BIRC2: variants seen among roughly 807,000 people sequenced by gnomAD.
The protein encoded by BIRC2 is baculoviral IAP repeat containing 2.
Under a neutral mutation model 60.9 loss-of-function variants are expected in BIRC2, and 18 were observed. The ratio of observed to expected loss-of-function variants is 0.30; its 90% confidence interval spans 0.20 to 0.44. The LOEUF is 0.44. BIRC2 is among the 20% of genes least tolerant of loss of function. The probability of loss-of-function intolerance (pLI) is 1.00; values close to 1 mark genes in which losing one functional copy is unlikely to be tolerated. For missense variants in BIRC2, 701 were observed against 728.5 expected, an observed-to-expected ratio of 0.96 and a Z score of 0.43; for synonymous variants, 282 against 247.7, an observed-to-expected ratio of 1.14 and a Z score of -1.30.
At position 102,370,059 on chromosome 11, in the gene BIRC2, T is replaced by A. The variant is rs1173666706; in HGVS notation, c.1366+1511T>A. 1.4e-3 allele frequency among the ~76,000 whole-genome samples: 206 copies of A among 152,118 alleles called. 1 individual carries two copies. The highest frequency in any genetic ancestry group is 4.7e-3 in the African/African-American group (193 of 41,460). ...TGTTTGAGTTCATTGTAGATTCTGG[T>A]TATTAGCCCTTTGTCAGATGAGTAG... is the stretch of plus-strand genomic sequence containing the variant. On this transcript the variant is annotated intron_variant, in intron 6 of 8. Transcript: ENST00000227758.
chr11:102,367,808 TTTTG>T (rs1951571104), intron 5 of BIRC2, among the ~76,000 whole-genome samples: 1 of 152,208 alleles, frequency 6.6e-6, no homozygotes, highest in African/African-American at 2.4e-5. Flanking sequence ...TACTTCCCAT[TTTTG>T]TTTATGTTAT....
chr11:102,378,075 T>C lies in BIRC2; in HGVS notation c.1749T>C (p.Phe583=). The C allele has an allele frequency of 6.2e-7, 1 of 1,613,850 alleles. No homozygotes were observed. The highest frequency in any genetic ancestry group is 2.2e-5 in the East Asian group (1 of 44,866). The part of the protein sequence containing the change: ...VCMDKEVSVV[F]IPCGHLVVCQ... ...TGGACAAAGAAGTTTCTGTTGTATT[T>C]ATTCCTTGTGGTCATCTGGTAGTAT... Residue 583 remains phenylalanine, a synonymous_variant, in exon 9 of 9, where the codon TTT becomes TTC. Coordinates refer to ENST00000227758, the MANE Select transcript of BIRC2 (RefSeq NM_001166.5).
intron 6 of BIRC2, among the ~76,000 whole-genome samples, chr11:102,374,494 A>C (rs1445499414): frequency 8.6e-5 from 13 of 150,432 alleles, no homozygotes; most frequent in Non-Finnish European, 1.6e-4. Flanking sequence ...GTCAGGGGTC[A>C]GGGACCCACT....
At position 102,350,544 on chromosome 11, in the gene BIRC2, G is replaced by T; in HGVS notation, c.690G>T (p.Trp230Cys). The change falls in exon 2 of 9, where the codon TGG becomes TGT. Residue 230 changes from tryptophan to cysteine, a missense_variant. By Grantham distance (215) the Trp-to-Cys change is radical. Coordinates refer to ENST00000227758, the MANE Select transcript of BIRC2 (RefSeq NM_001166.5). ...CFACGGKLSN[W>C]EPKDDAMSEH... is the part of the protein sequence containing the mutation. ...CCTGTGGTGGGAAGCTCAGTAACTG[G>T]GAACCAAAGGATGATGCTATGTCAG... is the stretch of plus-strand genomic sequence containing the variant. 1.2e-6 allele frequency: 2 copies of T among 1,614,180 alleles called. No homozygotes were observed. The highest frequency in any genetic ancestry group is 2.2e-5 in the South Asian group (2 of 91,086).
At chr11:102,375,263 C>G (rs535899135) in intron 6 of BIRC2, among the ~76,000 whole-genome samples, 2 of 152,244 alleles carry the variant, frequency 1.3e-5, no homozygotes, top group South Asian at 2.1e-4. Context: ...TGGTTGCTGT[C>G]AAGGAGTATA....
chr11:102,368,355 G>T lies in BIRC2; in HGVS notation c.1173G>T (p.Met391Ile). 2 of 1,613,928 alleles carry T rather than the reference G, an allele frequency of 1.2e-6. No individual in the cohort carries two copies. Among genetic ancestry groups the T allele is most frequent in the Non-Finnish European group, 8.5e-7 (1 of 1,179,918 alleles). The change falls in exon 6 of 9, where the codon ATG (methionine) becomes ATT (isoleucine). Residue 391 changes from methionine (M) to isoleucine (I), a missense_variant. Physicochemically the swap from Met to Ile is conservative, Grantham distance 10. This residue lies in a region of BIRC2 where 235 missense variants were observed against 208.9 expected (regional missense o/e 1.12). Transcript: ENST00000227758. ...GESSSEDAVMMNTPVVKSALE... is the reference protein window; with the variant it reads ...GESSSEDAVMINTPVVKSALE... ...GTTCTTCAGAAGATGCTGTCATGAT[G>T]AATACACCTGTGGTTAAATCTGCCT...
At chr11:102,373,339 C>T (rs11225233) in intron 6 of BIRC2, among the ~76,000 whole-genome samples, 14 of 152,126 alleles carry the variant, frequency 9.2e-5, no homozygotes, top group African/African-American at 1.4e-4. Flanking sequence ...TGCTTCCTTC[C>T]GGAGCTCTTT....
intron 3 of BIRC2, among the ~76,000 whole-genome samples, chr11:102,357,245 C>T (rs1024879013): frequency 5.3e-5 from 8 of 150,716 alleles, no homozygotes; most frequent in African/African-American, 2.0e-4. Context: ...GGAAGTATTC[C>T]CCCCTCCTCC....
rs768915098 is a variant in BIRC2, at chr11:102,377,446, G to C, written c.1367-50G>C. 3 of 1,525,958 alleles carry C rather than the reference G, an allele frequency of 2.0e-6. No individual in the cohort carries two copies. The African/African-American group carries it at 4.2e-5, about 21-fold the overall frequency. 94.5% of individuals were successfully genotyped at this position (1,525,958 alleles called of 1,614,324 possible). On this transcript the variant is annotated intron_variant, in intron 6 of 8. Coordinates refer to ENST00000227758, the MANE Select transcript of BIRC2 (RefSeq NM_001166.5). ...GGTTATTAGTGACTATATGAGTATAGTTAAAGGAGTTTAAAATCTAATGGA... is the reference window on the plus strand; with the variant it reads ...GGTTATTAGTGACTATATGAGTATACTTAAAGGAGTTTAAAATCTAATGGA...
At chr11:102,351,634 A>G (rs984366160) in intron 3 of BIRC2, among the ~76,000 whole-genome samples, 93 of 150,068 alleles carry the variant, frequency 6.2e-4, no homozygotes, top group African/African-American at 2.2e-3. Context: ...AAAAAAAAAA[A>G]AAAGAAAAAA....
intron 3 of BIRC2, among the ~76,000 whole-genome samples, chr11:102,353,590 T>C (rs1377953829): frequency 6.6e-6 from 1 of 152,154 alleles, no homozygotes; most frequent in Non-Finnish European, 1.5e-5. Flanking sequence ...AGTGCTGGGC[T>C]TACAGGCATG....
rs1031538205 is a variant in BIRC2, at chr11:102,349,640, T to A, written c.-215T>A. 3 of 474,752 alleles carry A rather than the reference T, an allele frequency of 6.3e-6. No individual in the cohort carries two copies. The highest frequency in any genetic ancestry group is 3.9e-5 in the African/African-American group (2 of 51,554). The allele number at this position is 474,752 out of a possible 1,614,324, so 29.4% of individuals were successfully genotyped here. A position where few individuals can be genotyped will look rare whatever the true frequency, so the allele number is the denominator to read the frequency against. On this transcript the variant is annotated 5_prime_UTR_variant, in exon 2 of 9. Coordinates refer to ENST00000227758, the MANE Select transcript of BIRC2 (RefSeq NM_001166.5). ...CACTTAGGTTACCTGAAAGAGTTAC[T>A]ACAACCCCAAAGAGTTGTGTTCTAA...
chr11:102,351,912 A>G (rs1006246228), intron 3 of BIRC2, among the ~76,000 whole-genome samples: 5 of 152,106 alleles, frequency 3.3e-5, no homozygotes, highest in African/African-American at 1.2e-4. Flanking sequence ...TAGGCATAAC[A>G]TTTACCATCT....
chr11:102,366,626 C>T lies in BIRC2; in HGVS notation c.1124-1680C>T, dbSNP rs561991655. Among the ~76,000 whole-genome samples, 63 of 152,212 alleles carry T rather than the reference C, an allele frequency of 4.1e-4. No individual in the cohort carries two copies. In the South Asian group the frequency reaches 0.013, roughly 32 times the overall value. ...ACCTCATGATCCGCCCGCCTTGGCT[C>T]CCAAAGTGCTGGGATTACAGGCATG... On this transcript the variant is annotated intron_variant, in intron 5 of 8. Coordinates refer to ENST00000227758, the MANE Select transcript of BIRC2 (RefSeq NM_001166.5).
intron 6 of BIRC2, among the ~76,000 whole-genome samples, chr11:102,376,523 A>T (rs1951716104): frequency 6.6e-6 from 1 of 152,202 alleles, no homozygotes; most frequent in Non-Finnish European, 1.5e-5. Flanking sequence ...GGTACTTTGT[A>T]GAGATGTACT....
chr11:102,366,693 A>G lies in BIRC2; in HGVS notation c.1124-1613A>G, dbSNP rs995431497. ...CCTCCACCACTATTAACCTAATCCA[A>G]ACTACCGTCATCTGTGTCTAACATC... On this transcript the variant is annotated intron_variant, in intron 5 of 8. Coordinates refer to ENST00000227758, the MANE Select transcript of BIRC2 (RefSeq NM_001166.5). Among the ~76,000 whole-genome samples the G allele has an allele frequency of 7.2e-5, 11 of 152,050 alleles. 1 individual carries two copies. The South Asian group carries it at 8.3e-4, about 11-fold the overall frequency.
chr11:102,376,584 G>C (rs1424128260), intron 6 of BIRC2, among the ~76,000 whole-genome samples: 1 of 151,966 alleles, frequency 6.6e-6, no homozygotes, highest in African/African-American at 2.4e-5. Context: ...TAATGATTCA[G>C]ATACCAAAAG....
intron 3 of BIRC2, among the ~76,000 whole-genome samples, chr11:102,359,627 A>T (rs1414836397): frequency 1.3e-5 from 2 of 152,164 alleles, no homozygotes; most frequent in Non-Finnish European, 2.9e-5. Flanking sequence ...CTTGTCTGGT[A>T]GTTTTGTCTT....
Position 102,349,756 on chromosome 11 carries a change from A to G in BIRC2, c.-99A>G. On this transcript the variant is annotated 5_prime_UTR_variant, in exon 2 of 9. Transcript: ENST00000227758. ...AAGAAAGTGTAGTAAATTCTACATA[A>G]GAGTCTATCATTGATTTCTTTTTGT... 8.2e-7 allele frequency: 1 copy of G among 1,221,660 alleles called. No homozygotes were observed. The highest frequency in any genetic ancestry group is 1.1e-6 in the Non-Finnish European group (1 of 872,162). The allele number at this position is 1,221,660 out of a possible 1,614,324, so 75.7% of individuals were successfully genotyped here.
Sources: allele counts gnomAD v4.1 joint callset (sites outside exome capture counted in the v4.1 genomes callset), GRCh38; gene constraint gnomAD v4.1.1; regional missense constraint gnomAD v4.1.1; transcripts MANE v1.5; gene names NCBI Gene and HGNC (gene_info 2026-07-23, HGNC 2026-07-21).